The following DLGAP1 variants were observed in gnomAD, a reference collection of about 807,000 sequenced individuals.
The protein encoded by DLGAP1 is disks large-associated protein 1.
A neutral mutation model predicts 90.8 loss-of-function variants in DLGAP1; 11 were observed. The ratio of observed to expected loss-of-function variants is 0.12; its 90% confidence interval spans 0.08 to 0.20. The LOEUF (loss-of-function observed/expected upper bound fraction) is 0.20. DLGAP1 is among the 10% of genes least tolerant of loss of function. DLGAP1 has a pLI of 1.00. For synonymous variants in DLGAP1, 558 were observed against 540.7 expected (o/e 1.03, Z -0.44); for missense variants, 1,050 against 1,333.8 (o/e 0.79, Z 3.31).
At chr18:3,796,436 T>C (rs2065994126) in intron 5 of DLGAP1, among the ~76,000 whole-genome samples, 1 of 152,222 alleles carries the variant, frequency 6.6e-6, no homozygotes, top group Admixed American at 6.5e-5. Context: ...GACAAACTTT[T>C]ACAATTGTAA....
At chr18:4,123,566 T>C (rs1356339473) in intron 2 of DLGAP1, among the ~76,000 whole-genome samples, 3 of 152,226 alleles carry the variant, frequency 2.0e-5, no homozygotes, top group Non-Finnish European at 4.4e-5. Context: ...TGACCCTACA[T>C]GCCCAGCTGG....
At chr18:3,582,320 C>T in intron 7 of DLGAP1, 72 bp from the exon 8 acceptor site, 1 of 1,545,230 alleles carries the variant, frequency 6.5e-7, no homozygotes, top group African/African-American at 1.4e-5. Flanking sequence ...TAACTGACAG[C>T]CATTGGGAAT....
In DLGAP1 at chr18:3,959,185, G is replaced by C. The variant is rs191702848; in HGVS notation, c.-73+45931C>G. Reference sequence around the variant, plus strand: ...TTATAATCGCCTCAGTTTTTTTTTTGAAAGAGGCAGAAATATTTCTGCTCA... The same window carrying C: ...TTATAATCGCCTCAGTTTTTTTTTTCAAAGAGGCAGAAATATTTCTGCTCA... On this transcript the variant is annotated intron_variant, in intron 3 of 12. Transcript: ENST00000315677. Among the ~76,000 whole-genome samples, 33 of 150,630 alleles carry C rather than the reference G, an allele frequency of 2.2e-4. No homozygotes were observed. In the East Asian group the frequency reaches 6.2e-3, roughly 28 times the overall value.
At chr18:3,895,133 G>A (rs556356463) in intron 3 of DLGAP1, among the ~76,000 whole-genome samples, 1 of 152,166 alleles carries the variant, frequency 6.6e-6, no homozygotes, top group Non-Finnish European at 1.5e-5. Context: ...ACTCTTGTAA[G>A]ATGAGTATGT....
At chr18:3,601,532 G>A (rs377711837) in intron 7 of DLGAP1, among the ~76,000 whole-genome samples, 16 of 151,610 alleles carry the variant, frequency 1.1e-4, no homozygotes, top group Non-Finnish European at 1.9e-4. Context: ...GCTACAGTTC[G>A]ACTTCACAGA....
chr18:4,355,458 G>A (rs561079475), intron 1 of DLGAP1, among the ~76,000 whole-genome samples: 3 of 152,334 alleles, frequency 2.0e-5, no homozygotes, highest in South Asian at 2.1e-4. Flanking sequence ...AATAAAGGAT[G>A]TGTGGCTTTA....
At chr18:3,559,718 G>A (rs936216946) in intron 9 of DLGAP1, among the ~76,000 whole-genome samples, 2 of 151,340 alleles carry the variant, frequency 1.3e-5, no homozygotes, top group African/African-American at 2.4e-5. Flanking sequence ...TGCCTCCTGG[G>A]TTCAAGTGAT....
rs576163966 is a variant in DLGAP1 at position 4,093,583 on chromosome 18, C to A, written c.-159+57597G>T. ...CCAATCTCTGAACCTAAACATTAAT[C>A]AAAAAAAAAAAGGTCTTTGATATAC... On this transcript the variant is annotated intron_variant, in intron 2 of 12. Coordinates refer to ENST00000315677, the MANE Select transcript of DLGAP1 (RefSeq NM_004746.4). Among the ~76,000 whole-genome samples the A allele has an allele frequency of 8.8e-3, 1,314 of 149,088 alleles. 12 individuals carry two copies. Among genetic ancestry groups the A allele is most frequent in the Non-Finnish European group, 0.013 (852 of 67,170 alleles).
chr18:3,531,841 C>G (rs532568008), intron 10 of DLGAP1, among the ~76,000 whole-genome samples: 3 of 151,954 alleles, frequency 2.0e-5, no homozygotes, highest in African/African-American at 7.3e-5. Context: ...GGAAGTGACA[C>G]GATGCCTTGG....
chr18:4,155,084 G>A (rs2076734026), intron 1 of DLGAP1, among the ~76,000 whole-genome samples: 1 of 152,052 alleles, frequency 6.6e-6, no homozygotes, highest in Non-Finnish European at 1.5e-5. Context: ...CCAAGAAAGT[G>A]AGATTTGATC....
At chr18:3,969,538 C>A (rs1032202938) in intron 3 of DLGAP1, among the ~76,000 whole-genome samples, 1 of 152,094 alleles carries the variant, frequency 6.6e-6, no homozygotes, top group African/African-American at 2.4e-5. Context: ...GGTTTAAGAC[C>A]TTATTTGTAA....
At chr18:3,841,402 A>T (rs920574773) in intron 4 of DLGAP1, among the ~76,000 whole-genome samples, 2 of 152,206 alleles carry the variant, frequency 1.3e-5, no homozygotes, top group Non-Finnish European at 2.9e-5. Context: ...TTAAGGGAAA[A>T]ATACACTCAG....
intron 1 of DLGAP1, among the ~76,000 whole-genome samples, chr18:4,358,623 A>G (rs2081571793): frequency 6.6e-6 from 1 of 152,240 alleles, no homozygotes; most frequent in Non-Finnish European, 1.5e-5. Context: ...CTTCATGTGA[A>G]GGGAAACCTA....
chr18:4,118,792 G>C (rs1469157834), intron 2 of DLGAP1, among the ~76,000 whole-genome samples: 1 of 152,106 alleles, frequency 6.6e-6, no homozygotes, highest in East Asian at 1.9e-4. Context: ...CTGTCTTAAT[G>C]AGATTTAGCT....
intron 4 of DLGAP1, among the ~76,000 whole-genome samples, chr18:3,873,562 T>TTA: frequency 6.6e-6 from 1 of 152,294 alleles, no homozygotes; most frequent in Admixed American, 6.5e-5. Flanking sequence ...TTAACTGAAT[T>TTA]GGGAGACTTA....
intron 10 of DLGAP1, among the ~76,000 whole-genome samples, chr18:3,524,352 AAAG>A (rs1347544688): frequency 1.3e-5 from 2 of 152,078 alleles, no homozygotes; most frequent in African/African-American, 2.4e-5. Flanking sequence ...CAGCCCTAAA[AAAG>A]AAGGAGCTCC....
intron 3 of DLGAP1, among the ~76,000 whole-genome samples, chr18:3,881,818 C>T (rs146568456): frequency 0.014 from 2,137 of 152,196 alleles, 50 homozygotes; most frequent in African/African-American, 0.048. Flanking sequence ...GAGGCTGAGG[C>T]AGGAGAATGG....
intron 3 of DLGAP1, among the ~76,000 whole-genome samples, chr18:3,881,838 G>A (rs1274967326): frequency 3.3e-5 from 5 of 152,096 alleles, no homozygotes; most frequent in Non-Finnish European, 7.4e-5. Flanking sequence ...GCATAAACCC[G>A]GGAGGCGGAG....
At chr18:4,192,036 T>G (rs1282642214) in intron 1 of DLGAP1, among the ~76,000 whole-genome samples, 1 of 151,976 alleles carries the variant, frequency 6.6e-6, no homozygotes, top group African/African-American at 2.4e-5. Context: ...AAGGGGAAGG[T>G]GTATTCAAAT....
Sources: allele counts gnomAD v4.1 joint callset (sites outside exome capture counted in the v4.1 genomes callset), GRCh38; gene constraint gnomAD v4.1.1; transcripts MANE v1.5; gene names NCBI Gene and HGNC (gene_info 2026-07-23, HGNC 2026-07-21).